SLC25A21: variants seen among roughly 807,000 people sequenced by gnomAD.
SLC25A21 encodes mitochondrial 2-oxodicarboxylate carrier.
SLC25A21 carries 47 observed loss-of-function variants against 43.8 expected under a neutral mutation model. The observed-to-expected ratio is 1.07, with a 90% CI of 0.85 to 1.37. The LOEUF (loss-of-function observed/expected upper bound fraction) is 1.37. SLC25A21 is among the 40% of genes most tolerant of loss of function. The pLI, the probability that SLC25A21 is intolerant of heterozygous loss-of-function variation, is 0.00. For missense variants in SLC25A21, 352 were observed against 350.2 expected (o/e 1.00, Z -0.04); for synonymous variants, 131 against 121.3 (o/e 1.08, Z -0.52).
At chr14:37,042,995 C>T (rs957888467) in intron 1 of SLC25A21, among the ~76,000 whole-genome samples, 1 of 152,194 alleles carries the variant, frequency 6.6e-6, no homozygotes, top group African/African-American at 2.4e-5. Context: ...CATCTCCCAA[C>T]CACTTCCTTT....
chr14:37,107,342 T>C (rs1256875403), intron 1 of SLC25A21, among the ~76,000 whole-genome samples: 1 of 151,958 alleles, frequency 6.6e-6, no homozygotes, highest in African/African-American at 2.4e-5. Flanking sequence ...TACACCTGAC[T>C]AATTTTTTTA....
chr14:36,700,372 G>T (rs1883226117), intron 7 of SLC25A21, among the ~76,000 whole-genome samples: 1 of 152,148 alleles, frequency 6.6e-6, no homozygotes, highest in Non-Finnish European at 1.5e-5. Flanking sequence ...ATGAAAAACT[G>T]CAGTATTCTG....
intron 1 of SLC25A21, among the ~76,000 whole-genome samples, chr14:37,027,654 G>GT (rs978271331): frequency 6.6e-6 from 1 of 152,128 alleles, no homozygotes; most frequent in African/African-American, 2.4e-5. Context: ...AGAATTCAGG[G>GT]TTAAAAACTC....
At chr14:36,924,181 T>C (rs533529531) in intron 1 of SLC25A21, among the ~76,000 whole-genome samples, 3,764 of 152,146 alleles carry the variant, frequency 0.025, 143 homozygotes, top group African/African-American at 0.085. Flanking sequence ...ACTGGGTATA[T>C]ACCCAAAGGA....
At chr14:36,687,030 C>G (rs975174393) in intron 7 of SLC25A21, among the ~76,000 whole-genome samples, 1 of 152,244 alleles carries the variant, frequency 6.6e-6, no homozygotes, top group African/African-American at 2.4e-5. Context: ...TGGCTCACAG[C>G]AACCTCCACC....
At chr14:36,901,952 C>T (rs943135644) in intron 1 of SLC25A21, among the ~76,000 whole-genome samples, 2 of 152,166 alleles carry the variant, frequency 1.3e-5, no homozygotes, top group African/African-American at 4.8e-5. Flanking sequence ...GTCCCATGAA[C>T]TCCAAGGTCA....
chr14:37,074,295 T>A (rs1375626121), intron 1 of SLC25A21, among the ~76,000 whole-genome samples: 1 of 152,198 alleles, frequency 6.6e-6, no homozygotes, highest in African/African-American at 2.4e-5. Flanking sequence ...GTTTTCTATA[T>A]TTCACAACAT....
chr14:37,009,317 C>T (rs913937595), intron 1 of SLC25A21, among the ~76,000 whole-genome samples: 2 of 152,068 alleles, frequency 1.3e-5, no homozygotes, highest in Non-Finnish European at 2.9e-5. Context: ...GCAAAACCGT[C>T]TCTACTAAAA....
intron 1 of SLC25A21, among the ~76,000 whole-genome samples, chr14:37,037,378 T>C (rs1961350177): frequency 6.6e-6 from 1 of 152,178 alleles, no homozygotes; most frequent in Non-Finnish European, 1.5e-5. Flanking sequence ...TTGCTATTAA[T>C]GATCAGTCTT....
At chr14:36,825,897 G>A (rs576403261) in intron 2 of SLC25A21, among the ~76,000 whole-genome samples, 1 of 152,156 alleles carries the variant, frequency 6.6e-6, no homozygotes, top group Non-Finnish European at 1.5e-5. Context: ...TCATTCTCAT[G>A]CAACGAATCC....
intron 1 of SLC25A21, among the ~76,000 whole-genome samples, chr14:36,958,590 C>CCTTACCCAG (rs1310355812): frequency 6.6e-6 from 1 of 152,018 alleles, no homozygotes; most frequent in East Asian, 1.9e-4. Context: ...GGTGTTGAGG[C>CCTTACCCAG]CTTACCCAGA....
At chr14:37,055,571 T>A (rs534787941) in intron 1 of SLC25A21, among the ~76,000 whole-genome samples, 8 of 152,110 alleles carry the variant, frequency 5.3e-5, no homozygotes, top group Non-Finnish European at 1.0e-4. Context: ...TTCTTTCTGG[T>A]GGGCCTGAGC....
intron 1 of SLC25A21, among the ~76,000 whole-genome samples, chr14:36,986,680 G>A (rs1159994277): frequency 6.6e-6 from 1 of 152,124 alleles, no homozygotes; most frequent in Admixed American, 6.5e-5. Flanking sequence ...ATTTACTGCT[G>A]ACTTTTCTGA....
intron 3 of SLC25A21, among the ~76,000 whole-genome samples, chr14:36,774,731 A>G (rs1018246781): frequency 1.1e-4 from 16 of 152,130 alleles, no homozygotes; most frequent in Admixed American, 5.2e-4. Flanking sequence ...ACACCCAGCT[A>G]ATTTGTTATT....
At chr14:37,019,210 AC>A (rs1960930516) in intron 1 of SLC25A21, among the ~76,000 whole-genome samples, 1 of 151,826 alleles carries the variant, frequency 6.6e-6, no homozygotes, top group Admixed American at 6.6e-5. Flanking sequence ...TGATTACTAT[AC>A]TTCAGCCATG....
At chr14:36,863,526 A>G (rs1441482209) in intron 2 of SLC25A21, among the ~76,000 whole-genome samples, 1 of 152,246 alleles carries the variant, frequency 6.6e-6, no homozygotes, top group Non-Finnish European at 1.5e-5. Context: ...AAAAATAAGT[A>G]AATAAATTTA....
chr14:36,962,556 A>G (rs925709558), intron 1 of SLC25A21, among the ~76,000 whole-genome samples: 2 of 151,858 alleles, frequency 1.3e-5, no homozygotes, highest in African/African-American at 4.8e-5. Context: ...TATTTTTCCA[A>G]TATTTCACTT....
chr14:36,741,383 G>A (rs971259229), intron 3 of SLC25A21, among the ~76,000 whole-genome samples: 17 of 152,190 alleles, frequency 1.1e-4, no homozygotes, highest in African/African-American at 3.9e-4. Flanking sequence ...TATCAGAAAT[G>A]TTACCATAAA....
chr14:37,017,370 G>C (rs1960879837), intron 1 of SLC25A21, among the ~76,000 whole-genome samples: 1 of 152,054 alleles, frequency 6.6e-6, no homozygotes, highest in Non-Finnish European at 1.5e-5. Flanking sequence ...GGAGCAGTCA[G>C]AACACATTCA....
Sources: allele counts gnomAD v4.1 joint callset (sites outside exome capture counted in the v4.1 genomes callset), GRCh38; gene constraint gnomAD v4.1.1; transcripts MANE v1.5; gene names NCBI Gene and HGNC (gene_info 2026-07-23, HGNC 2026-07-21).